UBR3: variants seen among roughly 807,000 people sequenced by gnomAD.
UBR3 encodes ubiquitin protein ligase E3 component n-recognin 3.
UBR3 carries 85 observed loss-of-function variants against 243.2 expected under a neutral mutation model. That is an observed-to-expected ratio of 0.35 (90% confidence interval 0.29 to 0.42). The LOEUF (loss-of-function observed/expected upper bound fraction) is 0.42. Among genes scored for constraint, UBR3 ranks in the 10% least tolerant of loss-of-function variants. The pLI is 1.00. For synonymous variants in UBR3, 748 were observed against 799.8 expected, an observed-to-expected ratio of 0.94 and a Z score of 1.09; for missense variants, 1,686 against 2,300.8, an observed-to-expected ratio of 0.73 and a Z score of 5.47.
chr2:169,899,510 T>C (rs988970301), intron 8 of UBR3, among the ~76,000 whole-genome samples: 5 of 152,172 alleles, frequency 3.3e-5, no homozygotes, highest in African/African-American at 1.2e-4. Flanking sequence ...TTTTAAATTT[T>C]TTTACTTTTT....
In UBR3 at chr2:170,061,303, CTTTTT is replaced by C. The variant is rs765350530; in HGVS notation, c.4894-13_4894-9del. On this transcript the variant is annotated splice_polypyrimidine_tract_variant and intron_variant, in intron 34 of 38. Transcript: ENST00000272793. The stretch of plus-strand genomic sequence containing the variant: ...TTGTAGACTGACTTGTTCAAATTTT[CTTTTT>C]TAACTTTAGGTTAACCCTATTGCTT... The C allele has an allele frequency of 4.4e-6, 7 of 1,607,716 alleles. No individual in the cohort carries two copies. Among genetic ancestry groups the C allele is most frequent in the Middle Eastern group, 1.7e-4 (1 of 6,044 alleles).
chr2:169,982,604 T>C (rs2088791404), intron 24 of UBR3, among the ~76,000 whole-genome samples: 1 of 152,212 alleles, frequency 6.6e-6, no homozygotes, highest in East Asian at 1.9e-4. Flanking sequence ...AAGATAAAAA[T>C]CATTTTGGAA....
At position 169,925,677 on chromosome 2, in the gene UBR3, G is replaced by A; in HGVS notation, c.2081G>A (p.Gly694Glu). ...GTAAGAAATGGTCTGCAAATCAAAG[G>A]ACAAGCCATGACGTATGTCCAGTCT... ...MWVRNGLQIK[G>E]QAMTYVQSHF... The change falls in exon 14 of 39, where the codon GGA becomes GAA. Residue 694 changes from glycine (G) to glutamate (E), a missense_variant. Physicochemically the swap from Gly to Glu is moderately conservative, Grantham distance 98. Transcript: ENST00000272793. The A allele has an allele frequency of 6.4e-7, 1 of 1,550,900 alleles. No individual in the cohort carries two copies. The highest frequency in any genetic ancestry group is 8.7e-7 in the Non-Finnish European group (1 of 1,146,604).
intron 30 of UBR3, among the ~76,000 whole-genome samples, chr2:170,024,346 T>A: frequency 1.3e-5 from 1 of 79,450 alleles, no homozygotes; most frequent in African/African-American, 6.4e-5. Context: ...AGTGCGAGAC[T>A]CCATCTCAAA....
intron 7 of UBR3, 51 bp from the exon 8 acceptor site, chr2:169,896,456 A>G: frequency 1.7e-6 from 2 of 1,167,926 alleles, no homozygotes; most frequent in South Asian, 1.9e-5. Context: ...ATGATTTTAA[A>G]TTAAAAATTA....
chr2:169,987,384 C>T (rs1167286558), intron 25 of UBR3, among the ~76,000 whole-genome samples: 4 of 133,968 alleles, frequency 3.0e-5, no homozygotes, highest in Non-Finnish European at 6.2e-5. Flanking sequence ...CAGAGCAAGA[C>T]TCTGTCTCAA....
At chr2:169,865,086 GA>G (rs1266343531) in intron 1 of UBR3, among the ~76,000 whole-genome samples, 16 of 150,934 alleles carry the variant, frequency 1.1e-4, no homozygotes, top group Non-Finnish European at 1.9e-4. Flanking sequence ...ACTCCGTCTC[GA>G]AAAAAAAATT....
At position 169,924,108 on chromosome 2, in the gene UBR3, T is replaced by A. The variant is rs374940637; in HGVS notation, c.1957T>A (p.Leu653Met). Reference sequence around the variant, plus strand: ...GGCTGTGAAATGTCAAGAACTAGATTTGGATTCTGTTTTACCAGATCAGGA... The same window carrying A: ...GGCTGTGAAATGTCAAGAACTAGATATGGATTCTGTTTTACCAGATCAGGA... The part of the protein sequence containing the change: ...SKAVKCQELD[L>M]DSVLPDQEML... Residue 653 changes from leucine to methionine, a missense_variant, in exon 13 of 39, where the codon TTG becomes ATG. Leu to Met is a conservative substitution (Grantham distance 15). This residue lies in a region of UBR3 where 346 missense variants were observed against 585.8 expected (regional missense o/e 0.59). Coordinates refer to ENST00000272793, the MANE Select transcript of UBR3 (RefSeq NM_172070.4). The A allele has an allele frequency of 6.5e-7, 1 of 1,546,224 alleles. No homozygotes were observed. The highest frequency in any genetic ancestry group is 8.7e-7 in the Non-Finnish European group (1 of 1,145,536).
At chr2:169,835,998 TCTCTCTCTCTCTCTCTCTCTCTC>T (rs2082077737) in intron 1 of UBR3, among the ~76,000 whole-genome samples, 1 of 32,096 alleles carries the variant, frequency 3.1e-5, no homozygotes, top group African/African-American at 9.1e-5. Flanking sequence ...GCACTGTCTC[TCTCTCTCTCTCTCTCTCTCTCTC>T]TCTCTCTCTC....
intron 26 of UBR3, among the ~76,000 whole-genome samples, chr2:169,998,965 T>C (rs984249629): frequency 1.3e-5 from 2 of 152,172 alleles, no homozygotes; most frequent in African/African-American, 4.8e-5. Context: ...GGTTGTGACA[T>C]TTCAGTGTTA....
chr2:169,957,648 A>G (rs1363066584), intron 23 of UBR3, among the ~76,000 whole-genome samples: 3 of 152,088 alleles, frequency 2.0e-5, no homozygotes, highest in Non-Finnish European at 4.4e-5. Flanking sequence ...CCAACATGGC[A>G]CATGTATACA....
chr2:170,025,295 C>T (rs1277004983), intron 30 of UBR3, among the ~76,000 whole-genome samples: 3 of 152,032 alleles, frequency 2.0e-5, no homozygotes, highest in Non-Finnish European at 2.9e-5. Context: ...AAATAGATAG[C>T]ACAAGGTATG....
chr2:170,017,216 T>A (rs897998201), intron 30 of UBR3, among the ~76,000 whole-genome samples: 7 of 151,378 alleles, frequency 4.6e-5, no homozygotes, highest in Admixed American at 2.6e-4. Context: ...AAAAAAAAAA[T>A]CTATCTTTTT....
chr2:169,986,029 T>G (rs1026966232), intron 24 of UBR3, among the ~76,000 whole-genome samples: 6 of 152,154 alleles, frequency 3.9e-5, no homozygotes, highest in Non-Finnish European at 7.4e-5. Context: ...TATTTTATTT[T>G]TTGCTATTAG....
chr2:169,855,709 C>G (rs1169904952), intron 1 of UBR3, among the ~76,000 whole-genome samples: 1 of 152,244 alleles, frequency 6.6e-6, no homozygotes, highest in Non-Finnish European at 1.5e-5. Flanking sequence ...AAGAATTTTT[C>G]TTAGTACAGA....
chr2:170,068,049 C>T (rs996612985), intron 35 of UBR3, among the ~76,000 whole-genome samples: 6 of 152,052 alleles, frequency 3.9e-5, no homozygotes, highest in Admixed American at 1.3e-4. Context: ...GGATTACAGG[C>T]ATGAGCCACC....
chr2:169,896,810 A>G (rs1478456482), intron 8 of UBR3, 75 bp downstream of exon 8: 1 of 997,340 alleles, frequency 1.0e-6, no homozygotes, highest in Non-Finnish European at 1.4e-6. Flanking sequence ...TACTTCATAT[A>G]CTTAGTAATA....
chr2:169,934,099 C>T (rs904084241), intron 19 of UBR3, among the ~76,000 whole-genome samples: 3 of 152,142 alleles, frequency 2.0e-5, no homozygotes, highest in Non-Finnish European at 4.4e-5. Context: ...CTCTGTATCT[C>T]GTCTACATCT....
rs1222802472 is a variant in UBR3 at position 169,896,585 on chromosome 2, A to G, written c.1315A>G (p.Met439Val). 5.0e-5 allele frequency: 77 copies of G among 1,550,728 alleles called. No individual in the cohort carries two copies. The highest frequency in any genetic ancestry group is 6.6e-5 in the Non-Finnish European group (76 of 1,146,472). The change falls in exon 8 of 39, where the codon ATG becomes GTG. Residue 439 changes from methionine (M) to valine (V), a missense_variant. By Grantham distance (21) the Met-to-Val change is conservative. Coordinates refer to ENST00000272793, the MANE Select transcript of UBR3 (RefSeq NM_172070.4). Reference protein sequence around the residue: ...TLKKSHESDTMSNRIVHISVQ... With the variant: ...TLKKSHESDTVSNRIVHISVQ... ...GAAGAAAAGTCATGAATCAGACACA[A>G]TGTCTAACAGAATTGTGCATATTAG... is the stretch of plus-strand genomic sequence containing the variant.
Sources: allele counts gnomAD v4.1 joint callset (sites outside exome capture counted in the v4.1 genomes callset), GRCh38; gene constraint gnomAD v4.1.1; regional missense constraint gnomAD v4.1.1; transcripts MANE v1.5; gene names NCBI Gene and HGNC (gene_info 2026-07-23, HGNC 2026-07-21).